The following XKR9 variants were observed in gnomAD, a reference collection of about 807,000 sequenced individuals.
The protein encoded by XKR9 is XK-related protein 9.
XKR9 carries 32 observed loss-of-function variants against 32.0 expected under a neutral mutation model. The observed-to-expected ratio is 1.00, with a 90% CI of 0.76 to 1.34. XKR9 has a LOEUF of 1.34. Among genes scored for constraint, XKR9 ranks in the 40% most tolerant of loss-of-function variants. The pLI, the probability that XKR9 is intolerant of heterozygous loss-of-function variation, is 0.00. For missense variants in XKR9, 546 were observed against 429.7 expected, an observed-to-expected ratio of 1.27 and a Z score of -2.39; for synonymous variants, 168 against 143.4, an observed-to-expected ratio of 1.17 and a Z score of -1.22.
chr8:70,874,108 C>G, the XKR9 span, among the ~76,000 whole-genome samples: 13 of 152,102 alleles, frequency 8.5e-5, no homozygotes, highest in Non-Finnish European at 1.3e-4. Context: ...AGACATAATG[C>G]TATTGCACAC....
the XKR9 span, among the ~76,000 whole-genome samples, chr8:70,868,871 C>A: frequency 6.6e-6 from 1 of 152,194 alleles, no homozygotes; most frequent in Non-Finnish European, 1.5e-5. Flanking sequence ...ACCCAAGTCA[C>A]CTCTTGAATG....
downstream of XKR9, among the ~76,000 whole-genome samples, chr8:70,738,611 C>G (rs1027491839): frequency 1.1e-4 from 17 of 151,958 alleles, no homozygotes; most frequent in Non-Finnish European, 2.4e-4. Flanking sequence ...GCATTTAGTG[C>G]TATAAATTTC....
the XKR9 span, among the ~76,000 whole-genome samples, chr8:71,016,826 G>C: frequency 3.0e-5 from 4 of 131,688 alleles, no homozygotes; most frequent in African/African-American, 1.1e-4. Context: ...CTCATTCATT[G>C]GTCATATGCT....
intron 3 of XKR9, among the ~76,000 whole-genome samples, chr8:70,682,572 A>G (rs1380507487): frequency 6.6e-6 from 1 of 152,192 alleles, no homozygotes; most frequent in East Asian, 1.9e-4. Flanking sequence ...CATTGTATAC[A>G]AAAGATGATA....
intron 2 of XKR9, among the ~76,000 whole-genome samples, chr8:70,679,886 A>G (rs1819017120): frequency 6.6e-6 from 1 of 152,212 alleles, no homozygotes; most frequent in Non-Finnish European, 1.5e-5. Context: ...AGTAAATGTT[A>G]GCTTTCATTA....
At chr8:70,944,139 C>A in the XKR9 span, among the ~76,000 whole-genome samples, 1 of 132,634 alleles carries the variant, frequency 7.5e-6, no homozygotes, top group East Asian at 2.0e-4. Flanking sequence ...TTATTCCCCC[C>A]GCCAAAAAAA....
Position 70,707,111 on chromosome 8 carries a change from C to G in XKR9, c.451C>G (p.Leu151Val), listed in dbSNP as rs757517742. The change falls in exon 4 of 5, where the codon CTC becomes GTC. Residue 151 changes from leucine to valine, a missense_variant. Leu to Val is a conservative substitution (Grantham distance 32). Coordinates refer to ENST00000408926, the MANE Select transcript of XKR9 (RefSeq NM_001011720.2). ...AGGCTGCCCACAACTTATTCTTCAA[C>G]TCTACATTCTTCTGGAGCATGGACA... is the stretch of plus-strand genomic sequence containing the variant. ...LEGCPQLILQ[L>V]YILLEHGQAN... 5 of 1,613,330 alleles carry G rather than the reference C, an allele frequency of 3.1e-6. No homozygotes were observed. In the South Asian group the frequency reaches 5.5e-5, roughly 18 times the overall value.
At chr8:70,983,260 A>G in the XKR9 span, among the ~76,000 whole-genome samples, 1 of 151,848 alleles carries the variant, frequency 6.6e-6, no homozygotes. Flanking sequence ...GACTATTCCT[A>G]TTTGTTCTTT....
the XKR9 span, among the ~76,000 whole-genome samples, chr8:70,927,198 T>A: frequency 6.6e-6 from 1 of 151,894 alleles, no homozygotes; most frequent in Non-Finnish European, 1.5e-5. Context: ...AGACACAGTG[T>A]AAATGCTCAG....
chr8:70,669,379 G>T lies in XKR9; in HGVS notation c.-520G>T. ...CCGCGCGGGCTGCGCGGGCAGTGGTGGGAAGGCTGGCGCGAGGCGTGAGGT... is the reference window on the plus strand; with the variant it reads ...CCGCGCGGGCTGCGCGGGCAGTGGTTGGAAGGCTGGCGCGAGGCGTGAGGT... On this transcript the variant is annotated 5_prime_UTR_variant, in exon 1 of 5. Transcript: ENST00000408926. The T allele has an allele frequency of 2.1e-6, 1 of 470,928 alleles. No individual in the cohort carries two copies. Among genetic ancestry groups the T allele is most frequent in the Non-Finnish European group, 3.8e-6 (1 of 264,168 alleles). The allele number at this position is 470,928 out of a possible 1,614,324, so 29.2% of individuals were successfully genotyped here. A position where few individuals can be genotyped will look rare whatever the true frequency, so the allele number is the denominator to read the frequency against.
chr8:70,858,377 GA>G, the XKR9 span, among the ~76,000 whole-genome samples: 1 of 152,094 alleles, frequency 6.6e-6, no homozygotes, highest in East Asian at 1.9e-4. Context: ...TTGCTTCAAA[GA>G]GAATAAAATA....
chr8:70,901,907 A>G, the XKR9 span, among the ~76,000 whole-genome samples: 3 of 152,204 alleles, frequency 2.0e-5, no homozygotes, highest in Non-Finnish European at 4.4e-5. Context: ...ACCATTTATT[A>G]AATACGGAAT....
At chr8:70,893,139 A>AT in the XKR9 span, among the ~76,000 whole-genome samples, 11 of 151,618 alleles carry the variant, frequency 7.3e-5, no homozygotes, top group African/African-American at 2.7e-4. Flanking sequence ...GTATTTTTTC[A>AT]TTGTACTTCA....
the XKR9 span, among the ~76,000 whole-genome samples, chr8:71,000,023 A>G: frequency 2.0e-5 from 3 of 152,220 alleles, no homozygotes; most frequent in Non-Finnish European, 4.4e-5. Context: ...AAAAAAAGTG[A>G]CATTAATTTT....
At chr8:70,923,022 C>G in the XKR9 span, among the ~76,000 whole-genome samples, 2 of 152,222 alleles carry the variant, frequency 1.3e-5, no homozygotes, top group African/African-American at 4.8e-5. Context: ...ACCTGTTTCC[C>G]CTTCATTACA....
chr8:70,701,157 G>C (rs540877933), intron 3 of XKR9, among the ~76,000 whole-genome samples: 1 of 152,134 alleles, frequency 6.6e-6, no homozygotes, highest in African/African-American at 2.4e-5. Flanking sequence ...GCAATGCCTC[G>C]CCCTGCTTCG....
At chr8:70,752,611 T>A (rs1807158017) in intron 2 of XKR9, among the ~76,000 whole-genome samples, 1 of 152,172 alleles carries the variant, frequency 6.6e-6, no homozygotes. Context: ...CCAACATAGC[T>A]ACAATGAGGA....
intron 2 of XKR9, among the ~76,000 whole-genome samples, chr8:70,784,794 T>C: frequency 6.6e-6 from 1 of 152,148 alleles, no homozygotes; most frequent in East Asian, 1.9e-4. Flanking sequence ...GAGGAAATGC[T>C]TTCAATTTTT....
At chr8:70,755,440 T>C (rs1389870957) in intron 2 of XKR9, among the ~76,000 whole-genome samples, 1 of 152,098 alleles carries the variant, frequency 6.6e-6, no homozygotes, top group Non-Finnish European at 1.5e-5. Flanking sequence ...AATCATGCTG[T>C]TATAAAGACA....
Sources: gnomAD v4.1 joint callset for allele counts (sites outside exome capture counted in the v4.1 genomes callset) on GRCh38, gnomAD v4.1.1 for gene constraint, MANE v1.5 for transcripts, NCBI Gene and HGNC (gene_info 2026-07-23, HGNC 2026-07-21) for gene names.